SYNE2: variants seen among roughly 807,000 people sequenced by gnomAD.
SYNE2 encodes nesprin-2.
SYNE2 carries 431 observed loss-of-function variants against 856.3 expected under a neutral mutation model. The ratio of observed to expected loss-of-function variants is 0.50; its 90% CI spans 0.47 to 0.55. The LOEUF (loss-of-function observed/expected upper bound fraction) is 0.55, where lower values mean the gene tolerates loss of function less well. SYNE2 is among the 20% of genes least tolerant of loss of function. SYNE2 has a pLI of 0.00. For synonymous variants in SYNE2, 2,923 were observed against 2,872.3 expected (o/e 1.02, Z -0.56); for missense variants, 8,129 against 8,023.2 (o/e 1.01, Z -0.50).
chr14:64,005,504 C>G (rs1036709811), intron 30 of SYNE2, among the ~76,000 whole-genome samples: 1 of 152,178 alleles, frequency 6.6e-6, no homozygotes, highest in Non-Finnish European at 1.5e-5. Flanking sequence ...GTGCTCTTGG[C>G]TTTCATTGTC....
intron 64 of SYNE2, 64 bp from the exon 65 acceptor site, chr14:64,107,427 A>G: frequency 7.1e-7 from 1 of 1,398,706 alleles, no homozygotes; most frequent in Non-Finnish European, 1.0e-6. Flanking sequence ...GCATGCGCAG[A>G]AAGAAGAATT....
At chr14:64,047,721 T>A (rs193066401) in intron 45 of SYNE2, among the ~76,000 whole-genome samples, 114 of 152,346 alleles carry the variant, frequency 7.5e-4, no homozygotes, top group Non-Finnish European at 1.3e-3. Flanking sequence ...GGGGTTTTTT[T>A]AAATACTTTT....
intron 1 of SYNE2, among the ~76,000 whole-genome samples, chr14:63,809,701 A>G (rs1481861713): frequency 3.3e-5 from 5 of 152,032 alleles, no homozygotes; most frequent in Non-Finnish European, 7.4e-5. Context: ...GGGTCTCTCT[A>G]TGATGTCCAG....
rs2096603962 is a variant in SYNE2, at chr14:63,983,718, A to T, written c.2002-19A>T. ...AATAAAAATATGAGTATTACATTTC[A>T]TGAAATTATTTTGTATAGGAAATGA... On this transcript the variant is annotated intron_variant, in intron 17 of 115. Transcript: ENST00000555002. 6 of 1,601,812 alleles carry T rather than the reference A, an allele frequency of 3.7e-6. No individual in the cohort carries two copies. In the East Asian group the frequency reaches 1.3e-4, roughly 36 times the overall value.
rs987547244 is a variant in SYNE2 at position 64,212,974 on chromosome 14, G to A, written c.19025G>A (p.Arg6342Gln). Residue 6342 changes from arginine (R) to glutamine (Q), a missense_variant, in exon 105 of 116, where the codon CGG becomes CAG. This residue lies in a region of SYNE2 where 5,410 missense variants were observed against 5,284.8 expected (regional missense o/e 1.02). Coordinates refer to ENST00000555002, the MANE Select transcript of SYNE2 (RefSeq NM_182914.3). ...YCQEVFGRVS[R>Q]FHRRLTSCTP... ...CAGGAGGTGTTTGGAAGGGTCTCCC[G>A]GTTCCACCGGCGGCTCACCTCCTGC... 1.7e-5 allele frequency: 27 copies of A among 1,613,800 alleles called. No homozygotes were observed. Among genetic ancestry groups the A allele is most frequent in the Middle Eastern group, 3.4e-4 (2 of 5,906 alleles).
chr14:64,206,881 A>C (rs970455940), intron 100 of SYNE2, among the ~76,000 whole-genome samples: 1 of 152,176 alleles, frequency 6.6e-6, no homozygotes, highest in African/African-American at 2.4e-5. Flanking sequence ...TTATTATTTT[A>C]GTATTTACAT....
At chr14:64,195,115 G>T (rs1033096482) in intron 99 of SYNE2, among the ~76,000 whole-genome samples, 1 of 152,082 alleles carries the variant, frequency 6.6e-6, no homozygotes, top group African/African-American at 2.4e-5. Flanking sequence ...TCAGGGTGAG[G>T]AACTCTTTAA....
chr14:64,208,444 C>T (rs544734427), intron 100 of SYNE2, among the ~76,000 whole-genome samples: 17 of 152,288 alleles, frequency 1.1e-4, no homozygotes, highest in Admixed American at 7.2e-4. Context: ...GTCTGTGGGG[C>T]GATGGGCTCT....
intron 1 of SYNE2, among the ~76,000 whole-genome samples, chr14:63,766,983 A>G (rs1886708916): frequency 6.6e-6 from 1 of 152,180 alleles, no homozygotes; most frequent in African/African-American, 2.4e-5. Flanking sequence ...TAAAATTTAG[A>G]GTCTAAATTA....
chr14:64,187,840 A>G (rs2098499860), intron 97 of SYNE2, among the ~76,000 whole-genome samples: 1 of 152,208 alleles, frequency 6.6e-6, no homozygotes, highest in Admixed American at 6.5e-5. Flanking sequence ...CATTATTTAA[A>G]TTTATATTTA....
rs756222544 is a variant in SYNE2, at chr14:64,212,805, C to T, written c.18862-6C>T. 1.9e-6 allele frequency: 3 copies of T among 1,613,948 alleles called. No homozygotes were observed. In the African/African-American group the frequency reaches 4.0e-5, roughly 22 times the overall value. ...TTGAAATCCTTTCTTTCTCCTCTCT[C>T]AACAGGGCTTCCAACAGGAAATTAC... On this transcript the variant is annotated splice_polypyrimidine_tract_variant and splice_region_variant and intron_variant, in intron 104 of 115. Coordinates refer to ENST00000555002, the MANE Select transcript of SYNE2 (RefSeq NM_182914.3).
chr14:63,969,488 C>T (rs933523737), intron 11 of SYNE2, among the ~76,000 whole-genome samples: 6 of 151,750 alleles, frequency 4.0e-5, no homozygotes. Context: ...ACTACAGGTG[C>T]ATCCCACCAC....
At chr14:63,854,218 T>C (rs1891176116) in intron 1 of SYNE2, among the ~76,000 whole-genome samples, 1 of 151,870 alleles carries the variant, frequency 6.6e-6, no homozygotes, top group Non-Finnish European at 1.5e-5. Flanking sequence ...TGTGCTTTTC[T>C]AGAAGTCCGA....
intron 21 of SYNE2, 112 bp from the exon 22 acceptor site, chr14:63,993,723 A>G: frequency 1.1e-6 from 1 of 902,564 alleles, no homozygotes; most frequent in Non-Finnish European, 1.7e-6. Context: ...TTCAGAGAGC[A>G]CCTTCCCACT....
chr14:63,883,221 G>A (rs1276453827), intron 1 of SYNE2, among the ~76,000 whole-genome samples: 2 of 152,004 alleles, frequency 1.3e-5, no homozygotes, highest in Non-Finnish European at 2.9e-5. Flanking sequence ...ACCACGCTTG[G>A]CTAATTTTTG....
chr14:64,117,441 A>G (rs978406157), intron 66 of SYNE2, among the ~76,000 whole-genome samples: 1 of 152,056 alleles, frequency 6.6e-6, no homozygotes, highest in Non-Finnish European at 1.5e-5. Flanking sequence ...CTGGGACTAC[A>G]GGCGTACACC....
chr14:63,884,817 T>TA (rs2094944910), intron 1 of SYNE2, among the ~76,000 whole-genome samples: 4 of 151,878 alleles, frequency 2.6e-5, no homozygotes, highest in African/African-American at 7.3e-5. Flanking sequence ...TATATATATA[T>TA]TTTTAGTAGA....
chr14:64,127,429 A>T (rs1450337229), intron 73 of SYNE2, among the ~76,000 whole-genome samples: 1 of 152,086 alleles, frequency 6.6e-6, no homozygotes, highest in African/African-American at 2.4e-5. Flanking sequence ...GTAAAAAAAT[A>T]AAAAATAAAA....
chr14:63,986,435 T>C, intron 18 of SYNE2, 21 bp from the exon 19 acceptor site: 1 of 1,613,612 alleles, frequency 6.2e-7, no homozygotes, highest in Admixed American at 1.7e-5. Flanking sequence ...ATTTTCTCAG[T>C]GGTACTTTTG....
Sources: allele counts gnomAD v4.1 joint callset (sites outside exome capture counted in the v4.1 genomes callset), GRCh38; gene constraint gnomAD v4.1.1; regional missense constraint gnomAD v4.1.1; transcripts MANE v1.5; gene names NCBI Gene and HGNC (gene_info 2026-07-23, HGNC 2026-07-21).